Variants in CYP2C19 observed in about 807,000 individuals in gnomAD.
The protein encoded by CYP2C19 is cytochrome P450 2C19.
In CYP2C19, 59 loss-of-function variants were observed where a neutral mutation model predicts 40.9. The ratio of observed to expected loss-of-function variants is 1.44; its 90% confidence interval spans 1.17 to 1.79. The LOEUF is 1.79. Ranked by LOEUF, CYP2C19 falls within the 40% of genes most tolerant of loss-of-function variation. The probability of loss-of-function intolerance (pLI) is 0.00; values close to 1 mark genes in which losing one functional copy is unlikely to be tolerated. For synonymous variants in CYP2C19, 253 were observed against 208.7 expected, an observed-to-expected ratio of 1.21 and a Z score of -1.83; for missense variants, 754 against 596.9, an observed-to-expected ratio of 1.26 and a Z score of -2.74.
chr10:94,828,988 G>T (rs1849280016), intron 6 of CYP2C19, among the ~76,000 whole-genome samples: 1 of 151,936 alleles, frequency 6.6e-6, no homozygotes, highest in Non-Finnish European at 1.5e-5. Flanking sequence ...GTTGAATATT[G>T]GCCCCCACTC....
rs1300922226 is a variant in CYP2C19, at chr10:94,820,591, C to T, written c.915C>T (p.Thr305=). ...CTGGGACAGAGACAACAAGCACAAC[C>T]CTGAGATATGCTCTCCTTCTCCTGC... ...LGAGTETTST[T]LRYALLLLLK... Residue 305 remains threonine (T), a synonymous_variant, in exon 6 of 9, where the codon ACC becomes ACT. Coordinates refer to ENST00000371321, the MANE Select transcript of CYP2C19 (RefSeq NM_000769.4). 6 of 1,614,128 alleles carry T rather than the reference C, an allele frequency of 3.7e-6. No individual in the cohort carries two copies. In the South Asian group the frequency reaches 6.6e-5, roughly 18 times the overall value.
chr10:94,794,065 G>A (rs1173094241), intron 5 of CYP2C19, among the ~76,000 whole-genome samples: 3 of 152,128 alleles, frequency 2.0e-5, no homozygotes, highest in Non-Finnish European at 4.4e-5. Context: ...AGTGGTGGAC[G>A]CCCATCCCCC....
At chr10:94,773,833 G>A (rs1848368144) in intron 1 of CYP2C19, 1 of 152,214 alleles carries the variant, frequency 6.6e-6, no homozygotes, top group South Asian at 2.1e-4. Context: ...TCCACAATAT[G>A]GAAGGGGACC....
chr10:94,831,091 T>A (rs1589371987), intron 6 of CYP2C19, among the ~76,000 whole-genome samples: 1 of 152,214 alleles, frequency 6.6e-6, no homozygotes, highest in Non-Finnish European at 1.5e-5. Flanking sequence ...TAAATTCTTT[T>A]TATTTTAGAT....
chr10:94,785,218 A>G (rs116104259), intron 5 of CYP2C19, among the ~76,000 whole-genome samples: 193 of 152,206 alleles, frequency 1.3e-3, no homozygotes, highest in African/African-American at 4.5e-3. Flanking sequence ...TATCAAATTT[A>G]TGAACCTATT....
chr10:94,775,978 A>C, intron 3 of CYP2C19: 1 of 206,070 alleles, frequency 4.9e-6, no homozygotes, highest in East Asian at 1.2e-4. Context: ...CTTTTATTTA[A>C]TTGGACTATG....
At chr10:94,826,977 T>A (rs1460122019) in intron 6 of CYP2C19, among the ~76,000 whole-genome samples, 1 of 152,164 alleles carries the variant, frequency 6.6e-6, no homozygotes, top group Non-Finnish European at 1.5e-5. Context: ...TTGATTTGCG[T>A]ATATTGAACC....
At chr10:94,849,152 T>A (rs1849614906) in intron 7 of CYP2C19, among the ~76,000 whole-genome samples, 1 of 152,214 alleles carries the variant, frequency 6.6e-6, no homozygotes, top group Non-Finnish European at 1.5e-5. Flanking sequence ...CCCTGTCTTG[T>A]GCCTTTAAGT....
intron 5 of CYP2C19, among the ~76,000 whole-genome samples, chr10:94,817,759 A>C (rs1438181057): frequency 2.6e-5 from 4 of 152,128 alleles, no homozygotes; most frequent in African/African-American, 9.7e-5. Context: ...CACACCTGTA[A>C]TCCCGGCACT....
At chr10:94,818,029 A>G (rs1379090161) in intron 5 of CYP2C19, among the ~76,000 whole-genome samples, 1 of 151,526 alleles carries the variant, frequency 6.6e-6, no homozygotes, top group Admixed American at 6.6e-5. Context: ...AAAAAAAAAA[A>G]AAAAAAATCT....
rs1301063516 is a variant in CYP2C19, at chr10:94,847,505, C to T, written c.1150-2412C>T. Among the ~76,000 whole-genome samples, 65 of 152,050 alleles carry T rather than the reference C, an allele frequency of 4.3e-4. 2 individuals carry two copies. Among genetic ancestry groups the T allele is most frequent in the Admixed American group, 4.1e-3 (63 of 15,268 alleles). ...TTGGATATTTGGGTTGATTCCAAGTCGTTGCTATTGTGAGTAGTGCTGCAA... is the reference window on the plus strand; with the variant it reads ...TTGGATATTTGGGTTGATTCCAAGTTGTTGCTATTGTGAGTAGTGCTGCAA... On this transcript the variant is annotated intron_variant, in intron 7 of 8. Coordinates refer to ENST00000371321, the MANE Select transcript of CYP2C19 (RefSeq NM_000769.4).
At chr10:94,774,769 G>C (rs1054153161) in intron 1 of CYP2C19, 6 of 369,718 alleles carry the variant, frequency 1.6e-5, no homozygotes, top group Admixed American at 1.3e-4. Context: ...CATTCTCTTA[G>C]CTCAGTTTGT....
intron 5 of CYP2C19, among the ~76,000 whole-genome samples, chr10:94,792,699 T>G (rs1206795828): frequency 6.6e-6 from 1 of 152,194 alleles, no homozygotes; most frequent in Non-Finnish European, 1.5e-5. Flanking sequence ...TCTTCTGGCT[T>G]GTAGAGTTTC....
chr10:94,789,699 C>A (rs779079867), intron 5 of CYP2C19, among the ~76,000 whole-genome samples: 3 of 152,062 alleles, frequency 2.0e-5, no homozygotes, highest in African/African-American at 7.2e-5. Context: ...TTCCATTGAT[C>A]TATATATCCA....
chr10:94,807,629 C>T (rs4641393), intron 5 of CYP2C19, among the ~76,000 whole-genome samples: 25,287 of 152,018 alleles, frequency 0.17, 2,313 homozygotes, highest in South Asian at 0.33. Context: ...ATTTGAATTT[C>T]CTTGCTGATA....
chr10:94,828,944 A>G (rs1450196990), intron 6 of CYP2C19, among the ~76,000 whole-genome samples: 1 of 151,812 alleles, frequency 6.6e-6, no homozygotes, highest in African/African-American at 2.4e-5. Flanking sequence ...GCTGGATATG[A>G]AATTCTGGGT....
At chr10:94,775,363 T>C (rs201766009) in intron 2 of CYP2C19, 27 bp from the exon 3 acceptor site, 12 of 1,613,166 alleles carry the variant, frequency 7.4e-6, no homozygotes, top group Non-Finnish European at 1.0e-5. Flanking sequence ...GGGATCTCCC[T>C]CCTAGTTTCG....
chr10:94,821,557 T>C (rs1849121950), intron 6 of CYP2C19, among the ~76,000 whole-genome samples: 1 of 152,230 alleles, frequency 6.6e-6, no homozygotes, highest in South Asian at 2.1e-4. Context: ...TGAGACAGTT[T>C]CTGTGAAATT....
intron 8 of CYP2C19, among the ~76,000 whole-genome samples, 177 bp from the exon 9 acceptor site, chr10:94,852,556 C>T (rs1027843784): frequency 3.9e-5 from 6 of 152,176 alleles, no homozygotes; most frequent in Non-Finnish European, 8.8e-5. Context: ...ATTAATCCTT[C>T]CACCCATCCA....
Sources: allele counts gnomAD v4.1 joint callset (sites outside exome capture counted in the v4.1 genomes callset), GRCh38; gene constraint gnomAD v4.1.1; transcripts MANE v1.5; gene names NCBI Gene and HGNC (gene_info 2026-07-23, HGNC 2026-07-21).